Variants in MIPOL1 observed in about 807,000 individuals in gnomAD.
The protein encoded by MIPOL1 is mirror-image polydactyly gene 1 protein.
In MIPOL1, 57 loss-of-function variants were observed where a neutral mutation model predicts 60.9. The observed-to-expected ratio is 0.94, with a 90% confidence interval of 0.76 to 1.17. The LOEUF is 1.17. Ranked by LOEUF, MIPOL1 falls within the 50% of genes most tolerant of loss-of-function variation. The pLI is 0.00. For synonymous variants in MIPOL1, 179 were observed against 168.8 expected, an observed-to-expected ratio of 1.06 and a Z score of -0.47; for missense variants, 551 against 511.6, an observed-to-expected ratio of 1.08 and a Z score of -0.74.
At chr14:37,296,340 C>T (rs1488094321) in intron 7 of MIPOL1, among the ~76,000 whole-genome samples, 6 of 152,036 alleles carry the variant, frequency 3.9e-5, no homozygotes, top group Non-Finnish European at 8.8e-5. Context: ...TAAATGCCCA[C>T]AAGAGAAAGC....
intron 10 of MIPOL1, among the ~76,000 whole-genome samples, chr14:37,389,904 T>TC (rs2093186991): frequency 6.6e-6 from 1 of 151,770 alleles, no homozygotes; most frequent in South Asian, 2.1e-4. Flanking sequence ...TTGCAGCTGT[T>TC]TTATAAGAAC....
chr14:37,309,732 G>C (rs1044983248), intron 9 of MIPOL1, among the ~76,000 whole-genome samples: 1 of 150,904 alleles, frequency 6.6e-6, no homozygotes, highest in Non-Finnish European at 1.5e-5. Context: ...TGTCACCCAG[G>C]CTGGAGTGCA....
intron 10 of MIPOL1, among the ~76,000 whole-genome samples, chr14:37,415,405 G>A (rs903081171): frequency 6.6e-6 from 1 of 151,848 alleles, no homozygotes; most frequent in East Asian, 1.9e-4. Flanking sequence ...GGCGGATCAC[G>A]AGGTCAGGAG....
intron 10 of MIPOL1, among the ~76,000 whole-genome samples, chr14:37,393,423 T>TGGCG (rs1357516824): frequency 1.4e-5 from 1 of 71,324 alleles, no homozygotes; most frequent in African/African-American, 5.5e-5. Context: ...TGTGTGTGTG[T>TGGCG]GTGGCGGGGG....
At chr14:37,237,453 T>C (rs761625727) in intron 1 of MIPOL1, among the ~76,000 whole-genome samples, 1 of 152,172 alleles carries the variant, frequency 6.6e-6, no homozygotes, top group African/African-American at 2.4e-5. Flanking sequence ...TTTTGGTTGC[T>C]GTAAACCTTT....
chr14:37,505,576 G>A (rs965252292), intron 12 of MIPOL1: 3 of 152,016 alleles, frequency 2.0e-5, no homozygotes, highest in Non-Finnish European at 4.4e-5. Context: ...AAAACTTTAT[G>A]CAATAAACTG....
At chr14:37,411,721 G>A (rs574273836) in intron 10 of MIPOL1, among the ~76,000 whole-genome samples, 3 of 152,202 alleles carry the variant, frequency 2.0e-5, no homozygotes, top group African/African-American at 7.2e-5. Flanking sequence ...TGGCCCACAA[G>A]CCTAAAATAT....
At chr14:37,242,101 A>G (rs959172602) in intron 1 of MIPOL1, among the ~76,000 whole-genome samples, 1 of 147,578 alleles carries the variant, frequency 6.8e-6, no homozygotes, top group Admixed American at 6.7e-5. Context: ...GTGGTAATGT[A>G]ATGTCCTTCA....
At chr14:37,448,315 A>G (rs1010852244) in intron 11 of MIPOL1, among the ~76,000 whole-genome samples, 18 of 152,208 alleles carry the variant, frequency 1.2e-4, no homozygotes, top group African/African-American at 4.3e-4. Context: ...TGCAGAAGGC[A>G]GCACAGAATC....
rs373019492 is a variant in MIPOL1 at position 37,364,569 on chromosome 14, C to T, written c.829-4948C>T. On this transcript the variant is annotated intron_variant, in intron 9 of 12. Coordinates refer to ENST00000684589, the MANE Select transcript of MIPOL1 (RefSeq NM_001388067.1). ...TAGATTTGTTTCTGGGTTTTCTATT[C>T]TGTTCCATTGGTCTATGTGTTTTTA... 1.5e-4 allele frequency among the ~76,000 whole-genome samples: 23 copies of T among 152,136 alleles called. No homozygotes were observed. In the East Asian group the frequency reaches 2.3e-3, roughly 15 times the overall value.
At chr14:37,353,831 A>G (rs982610121) in intron 9 of MIPOL1, among the ~76,000 whole-genome samples, 8 of 151,892 alleles carry the variant, frequency 5.3e-5, no homozygotes, top group African/African-American at 9.7e-5. Context: ...CGATCTATCA[A>G]TTTTGTTGAT....
chr14:37,489,057 CATCACTTTCAAGTACACCA>C (rs1256560868), intron 11 of MIPOL1, among the ~76,000 whole-genome samples: 2 of 152,206 alleles, frequency 1.3e-5, no homozygotes, highest in Admixed American at 6.5e-5. Context: ...CCATTCTCCG[CATCACTTTCAAGTACACCA>C]ATCACTTTCA....
chr14:37,389,267 A>T (rs1034997076), intron 10 of MIPOL1, among the ~76,000 whole-genome samples: 1 of 152,146 alleles, frequency 6.6e-6, no homozygotes, highest in Non-Finnish European at 1.5e-5. Flanking sequence ...CTGTAATAAT[A>T]TGTCTTCTTC....
chr14:37,318,562 A>G (rs2088188455), intron 9 of MIPOL1, among the ~76,000 whole-genome samples: 1 of 152,096 alleles, frequency 6.6e-6, no homozygotes, highest in Non-Finnish European at 1.5e-5. Flanking sequence ...CATCTGTTGT[A>G]ATTACTTTTT....
At chr14:37,472,136 TG>T (rs376070258) in intron 11 of MIPOL1, among the ~76,000 whole-genome samples, 7 of 152,204 alleles carry the variant, frequency 4.6e-5, no homozygotes, top group African/African-American at 1.7e-4. Context: ...TCTCATAAAA[TG>T]AGTTTATTTA....
intron 11 of MIPOL1, among the ~76,000 whole-genome samples, chr14:37,428,551 G>A (rs899856124): frequency 1.3e-5 from 2 of 151,934 alleles, no homozygotes; most frequent in Admixed American, 1.3e-4. Context: ...TCACACCAGT[G>A]TACTCCAGCC....
chr14:37,510,909 C>A (rs2095323245), intron 12 of MIPOL1, among the ~76,000 whole-genome samples: 1 of 152,094 alleles, frequency 6.6e-6, no homozygotes, highest in South Asian at 2.1e-4. Context: ...TCACTGCCAC[C>A]ACCACACCTT....
At chr14:37,257,563 A>G (rs1034967271) in intron 3 of MIPOL1, among the ~76,000 whole-genome samples, 3 of 152,096 alleles carry the variant, frequency 2.0e-5, no homozygotes, top group Admixed American at 6.6e-5. Flanking sequence ...GGCAGGTTTC[A>G]TTTGGAATCT....
chr14:37,230,978 G>C (rs1018199756), intron 1 of MIPOL1, among the ~76,000 whole-genome samples: 6 of 151,930 alleles, frequency 3.9e-5, no homozygotes, highest in Non-Finnish European at 7.4e-5. Context: ...TTATTTTCCG[G>C]TTATCTGTGG....
Sources: gnomAD v4.1 joint callset for allele counts (sites outside exome capture counted in the v4.1 genomes callset) on GRCh38, gnomAD v4.1.1 for gene constraint, MANE v1.5 for transcripts, NCBI Gene and HGNC (gene_info 2026-07-23, HGNC 2026-07-21) for gene names.